Variants in ITGAV observed in about 807,000 individuals in gnomAD.
ITGAV encodes the protein integrin alpha-V.
Under a neutral mutation model 143.8 loss-of-function variants are expected in ITGAV, and 76 were observed. The observed-to-expected ratio is 0.53, with a 90% CI of 0.44 to 0.64. The LOEUF is 0.64. Ranked by LOEUF, ITGAV falls within the 30% of genes least tolerant of loss-of-function variation. The probability of loss-of-function intolerance (pLI) is 0.00; values close to 1 mark genes in which losing one functional copy is unlikely to be tolerated. For synonymous variants in ITGAV, 453 were observed against 446.7 expected, an observed-to-expected ratio of 1.01 and a Z score of -0.18; for missense variants, 1,193 against 1,274.7, an observed-to-expected ratio of 0.94 and a Z score of 0.98.
intron 24 of ITGAV, among the ~76,000 whole-genome samples, chr2:186,668,179 T>C (rs1225409339): frequency 2.9e-4 from 15 of 51,314 alleles, no homozygotes; most frequent in African/African-American, 9.1e-4. Flanking sequence ...TGTTTATACA[T>C]ACATACATAT....
intron 17 of ITGAV, among the ~76,000 whole-genome samples, chr2:186,656,987 AACACACACACACACACAC>A (rs56249746): frequency 7.2e-6 from 1 of 139,314 alleles, no homozygotes; most frequent in Non-Finnish European, 1.6e-5. Flanking sequence ...GAATTCATTA[AACACACACACACACACAC>A]ACACACACAC....
intron 12 of ITGAV, among the ~76,000 whole-genome samples, chr2:186,645,865 G>C (rs140837318): frequency 6.6e-6 from 1 of 152,042 alleles, no homozygotes; most frequent in Admixed American, 6.6e-5. Context: ...CTAGCTAATC[G>C]GGAGGCTAAG....
Position 186,645,178 on chromosome 2 carries a change from A to G in ITGAV, c.1160-1508A>G, listed in dbSNP as rs190920108. On this transcript the variant is annotated intron_variant, in intron 12 of 29. Transcript: ENST00000261023. ...TTTAGAAGGCAAGGTAATATAATAG[A>G]GTTTCGGGATAGAGAGGGTGATAGA... 1.5e-3 allele frequency among the ~76,000 whole-genome samples: 225 copies of G among 152,194 alleles called. 1 individual carries two copies. Among genetic ancestry groups the G allele is most frequent in the Admixed American group, 4.6e-3 (70 of 15,276 alleles).
In ITGAV at chr2:186,678,702, G is replaced by A. The variant is rs1316526341; in HGVS notation, c.*1410G>A. On this transcript the variant is annotated 3_prime_UTR_variant, in exon 30 of 30. Coordinates refer to ENST00000261023, the MANE Select transcript of ITGAV (RefSeq NM_002210.5). The stretch of plus-strand genomic sequence containing the variant: ...TATGATTTATTCACAGTTCCTCAAG[G>A]CCTGGGGATGATGATCAGTTATACC... 1 of 455,398 alleles carries A rather than the reference G, an allele frequency of 2.2e-6. No individual in the cohort carries two copies. The highest frequency in any genetic ancestry group is 2.0e-5 in the African/African-American group (1 of 50,022). 28.2% of individuals were successfully genotyped at this position (455,398 alleles called of 1,614,324 possible).
At chr2:186,663,202 C>CT (rs1299636148) in intron 18 of ITGAV, among the ~76,000 whole-genome samples, 4 of 152,222 alleles carry the variant, frequency 2.6e-5, no homozygotes, top group Non-Finnish European at 5.9e-5. Flanking sequence ...TTTCCTTCAT[C>CT]TTTTTCCAAA....
intron 22 of ITGAV, 140 bp from the exon 23 acceptor site, chr2:186,667,010 G>A (rs928933069): frequency 1.1e-5 from 6 of 556,180 alleles, no homozygotes; most frequent in Non-Finnish European, 1.8e-5. Flanking sequence ...TTGGAATTAA[G>A]TGTTAATGAA....
chr2:186,671,524 C>A (rs995109325), intron 26 of ITGAV, among the ~76,000 whole-genome samples: 1 of 152,104 alleles, frequency 6.6e-6, no homozygotes, highest in African/African-American at 2.4e-5. Context: ...TCTTCCCTGA[C>A]CAACCCATGT....
chr2:186,668,216 ATTTTTTTTTT>A (rs1186490756), intron 24 of ITGAV, among the ~76,000 whole-genome samples: 1 of 4,192 alleles, frequency 2.4e-4, no homozygotes, highest in African/African-American at 6.3e-4. Flanking sequence ...ATATATATAT[ATTTTTTTTTT>A]TTTTTTTTTT....
Position 186,665,159 on chromosome 2 carries a change from G to A in ITGAV, c.2107G>A (p.Glu703Lys), listed in dbSNP as rs1472052772. ...LARLSCAFKT[E>K]NQTRQVVCDL... ...AAGACTTTCCTGTGCATTTAAGACA[G>A]AAAACCAAACTCGCCAGGTGGTATG... The change falls in exon 21 of 30, where the codon GAA (glutamate) becomes AAA (lysine). Residue 703 changes from glutamate (E) to lysine (K), a missense_variant. Physicochemically the swap from Glu to Lys is moderately conservative, Grantham distance 56. Coordinates refer to ENST00000261023, the MANE Select transcript of ITGAV (RefSeq NM_002210.5). 1 of 1,607,656 alleles carries A rather than the reference G, an allele frequency of 6.2e-7. No individual in the cohort carries two copies. Among genetic ancestry groups the A allele is most frequent in the East Asian group, 2.2e-5 (1 of 44,662 alleles).
At chr2:186,625,617 A>C (rs201430262) in intron 4 of ITGAV, 30 bp downstream of exon 4, 3 of 1,474,612 alleles carry the variant, frequency 2.0e-6, no homozygotes, top group Admixed American at 3.4e-5. Flanking sequence ...CCAGCTTTTA[A>C]GAAGAGGGGT....
At chr2:186,598,960 T>G (rs1228086524) in intron 1 of ITGAV, among the ~76,000 whole-genome samples, 2 of 152,174 alleles carry the variant, frequency 1.3e-5, no homozygotes, top group African/African-American at 4.8e-5. Context: ...AACCCTGCAA[T>G]TCGTACAGCC....
chr2:186,591,561 TGAAGTG>T (rs1048749501), intron 1 of ITGAV, among the ~76,000 whole-genome samples: 1 of 152,040 alleles, frequency 6.6e-6, no homozygotes, highest in Non-Finnish European at 1.5e-5. Context: ...CCCTTCGGGG[TGAAGTG>T]GAGGAAAATT....
intron 6 of ITGAV, among the ~76,000 whole-genome samples, chr2:186,634,350 A>G (rs1368820429): frequency 3.9e-5 from 6 of 152,196 alleles, no homozygotes; most frequent in African/African-American, 1.4e-4. Flanking sequence ...TCTGATATTC[A>G]AGCATTGTCA....
At chr2:186,620,655 G>A (rs1037200415) in intron 2 of ITGAV, among the ~76,000 whole-genome samples, 4 of 152,128 alleles carry the variant, frequency 2.6e-5, no homozygotes, top group Admixed American at 1.3e-4. Context: ...CCCAGCTACT[G>A]TGGCGGCTGA....
At chr2:186,617,465 C>T (rs1044436018) in intron 2 of ITGAV, among the ~76,000 whole-genome samples, 9 of 152,168 alleles carry the variant, frequency 5.9e-5, no homozygotes, top group African/African-American at 2.2e-4. Flanking sequence ...AGCATGCAGT[C>T]ATGGGAGTTT....
intron 15 of ITGAV, among the ~76,000 whole-genome samples, chr2:186,652,707 A>T (rs903885767): frequency 1.3e-5 from 2 of 152,202 alleles, no homozygotes; most frequent in African/African-American, 4.8e-5. Flanking sequence ...TTACATTTTT[A>T]AAAGATATCT....
At chr2:186,655,600 C>T (rs1307905134) in intron 16 of ITGAV, among the ~76,000 whole-genome samples, 3 of 152,186 alleles carry the variant, frequency 2.0e-5, no homozygotes, top group Admixed American at 2.0e-4. Flanking sequence ...AAACTTGCGA[C>T]GCGAATTCTG....
Position 186,676,946 on chromosome 2 carries a change from G to T in ITGAV, c.3051+11G>T. The T allele has an allele frequency of 6.2e-7, 1 of 1,611,278 alleles. No individual in the cohort carries two copies. Among genetic ancestry groups the T allele is most frequent in the Non-Finnish European group, 8.5e-7 (1 of 1,178,920 alleles). ...TTTGTAATGTACAGGGTAAGTAACG[G>T]ACTTAGAAAGAAGGAGAGAGGGAAA... On this transcript the variant is annotated intron_variant, in intron 29 of 29. Coordinates refer to ENST00000261023, the MANE Select transcript of ITGAV (RefSeq NM_002210.5).
chr2:186,658,057 T>A (rs1055607022), intron 17 of ITGAV, among the ~76,000 whole-genome samples: 3 of 152,150 alleles, frequency 2.0e-5, no homozygotes, highest in Non-Finnish European at 4.4e-5. Flanking sequence ...ATTCTAGTCT[T>A]ACAATAGATG....
Sources: gnomAD v4.1 joint callset for allele counts (sites outside exome capture counted in the v4.1 genomes callset) on GRCh38, gnomAD v4.1.1 for gene constraint, MANE v1.5 for transcripts, NCBI Gene and HGNC (gene_info 2026-07-23, HGNC 2026-07-21) for gene names.